The following NEDD4 variants were observed in gnomAD, a reference collection of about 807,000 sequenced individuals.
NEDD4 encodes NEDD4 E3 ubiquitin protein ligase.
NEDD4 carries 99 observed loss-of-function variants against 144.9 expected under a neutral mutation model. That is an observed-to-expected ratio of 0.68 (90% CI 0.58 to 0.81). The LOEUF (loss-of-function observed/expected upper bound fraction) is 0.81, where lower values mean the gene tolerates loss of function less well. Among genes scored for constraint, NEDD4 ranks in the 30% least tolerant of loss-of-function variants. The probability of loss-of-function intolerance (pLI) is 0.00; values close to 1 mark genes in which losing one functional copy is unlikely to be tolerated. For missense variants in NEDD4, 985 were observed against 1,065.9 expected, an observed-to-expected ratio of 0.92 and a Z score of 1.06; for synonymous variants, 318 against 350.6, an observed-to-expected ratio of 0.91 and a Z score of 1.04.
chr15:55,859,605 G>C (rs2034324993), intron 11 of NEDD4, among the ~76,000 whole-genome samples: 1 of 152,206 alleles, frequency 6.6e-6, no homozygotes, highest in African/African-American at 2.4e-5. Context: ...GCTGAGGCAT[G>C]AGAATCGCCT....
chr15:55,852,724 T>TATATATATATATA (rs1566910889), intron 12 of NEDD4, among the ~76,000 whole-genome samples, 181 bp from the exon 13 acceptor site: 9 of 128,718 alleles, frequency 7.0e-5, no homozygotes, highest in African/African-American at 2.3e-4. Context: ...TATATATATA[T>TATATATATATATA]TTACCTTTTC....
At chr15:55,973,027 A>G (rs1197558354) in intron 1 of NEDD4, among the ~76,000 whole-genome samples, 1 of 152,248 alleles carries the variant, frequency 6.6e-6, no homozygotes, top group African/African-American at 2.4e-5. Context: ...ACTTCAATAT[A>G]GTAATAGTTG....
chr15:55,941,149 T>A (rs540985628), intron 4 of NEDD4, among the ~76,000 whole-genome samples: 1 of 152,258 alleles, frequency 6.6e-6, no homozygotes, highest in South Asian at 2.1e-4. Flanking sequence ...CCAGCTGTTG[T>A]ATATCAATTT....
intron 4 of NEDD4, among the ~76,000 whole-genome samples, chr15:55,940,703 T>G (rs1250122856): frequency 1.3e-5 from 2 of 150,450 alleles, no homozygotes; most frequent in Non-Finnish European, 3.0e-5. Context: ...AAGAGGGTCG[T>G]TTTTTTTTGG....
chr15:55,835,268 A>G (rs1433853246), intron 24 of NEDD4, among the ~76,000 whole-genome samples: 4 of 152,194 alleles, frequency 2.6e-5, no homozygotes, highest in Admixed American at 1.3e-4. Context: ...TTGCAGCTAT[A>G]TCTAATAAAC....
chr15:55,889,182 T>C (rs953710987), intron 5 of NEDD4, among the ~76,000 whole-genome samples: 4 of 151,910 alleles, frequency 2.6e-5, no homozygotes, highest in Non-Finnish European at 4.4e-5. Context: ...TGGAAGAAAA[T>C]AGAACGACCA....
At chr15:55,904,646 G>A (rs2036027514) in intron 5 of NEDD4, among the ~76,000 whole-genome samples, 1 of 152,154 alleles carries the variant, frequency 6.6e-6, no homozygotes, top group African/African-American at 2.4e-5. Context: ...CTTCTTCTGA[G>A]TGACAGGTAT....
At chr15:55,981,041 CTT>C (rs752631416) in intron 1 of NEDD4, among the ~76,000 whole-genome samples, 5 of 141,972 alleles carry the variant, frequency 3.5e-5, no homozygotes, top group African/African-American at 2.6e-5. Context: ...ATATTTTTTC[CTT>C]TTTTTTTTTT....
chr15:55,918,543 CTAAG>C (rs1296982382), intron 5 of NEDD4, among the ~76,000 whole-genome samples: 9 of 150,660 alleles, frequency 6.0e-5, no homozygotes, highest in South Asian at 2.1e-4. Context: ...GTTTTTTTTC[CTAAG>C]TAAAAGCAAA....
intron 4 of NEDD4, among the ~76,000 whole-genome samples, chr15:55,941,809 G>C (rs1009741250): frequency 7.2e-5 from 11 of 152,102 alleles, no homozygotes; most frequent in Admixed American, 2.6e-4. Context: ...CTGACCTCAA[G>C]TGATATGCCT....
intron 5 of NEDD4, among the ~76,000 whole-genome samples, chr15:55,895,022 C>T (rs1360614465): frequency 1.3e-5 from 2 of 152,062 alleles, no homozygotes; most frequent in East Asian, 3.9e-4. Context: ...AGGGGCTCAT[C>T]CCATTGTTTC....
In NEDD4 at chr15:55,942,063, A is replaced by ATT. The variant is rs34216809; in HGVS notation, c.237+9311_237+9312dup. On this transcript the variant is annotated intron_variant, in intron 4 of 28. Coordinates refer to ENST00000435532, the MANE Select transcript of NEDD4 (RefSeq NM_006154.4). Reference sequence around the variant, plus strand: ...TGTTCAAATCATCTATATATTTACTATTTTTTTTTTGTCTAGTTGTTGTAT... The same window carrying ATT: ...TGTTCAAATCATCTATATATTTACTATTTTTTTTTTTTGTCTAGTTGTTGTAT... Among the ~76,000 whole-genome samples, 65 of 150,224 alleles carry ATT rather than the reference A, an allele frequency of 4.3e-4. 1 individual carries two copies. Among genetic ancestry groups the ATT allele is most frequent in the South Asian group, 3.1e-3 (15 of 4,766 alleles).
At position 55,936,364 on chromosome 15, in the gene NEDD4, C is replaced by T. The variant is rs115910013; in HGVS notation, c.238-11665G>A. ...GAGAAATAGGTATAGAAAAAAATCA[C>T]GCCAAATTTGTGTGCGTATGTAGGT... On this transcript the variant is annotated intron_variant, in intron 4 of 28. Coordinates refer to ENST00000435532, the MANE Select transcript of NEDD4 (RefSeq NM_006154.4). Among the ~76,000 whole-genome samples the T allele has an allele frequency of 5.7e-3, 867 of 151,908 alleles. 9 individuals carry two copies. Among genetic ancestry groups the T allele is most frequent in the African/African-American group, 0.02 (811 of 41,396 alleles).
chr15:55,906,855 G>A (rs149974613), intron 5 of NEDD4, among the ~76,000 whole-genome samples: 3,006 of 152,192 alleles, frequency 0.02, 104 homozygotes, highest in African/African-American at 0.069. Flanking sequence ...CAATGCTTTG[G>A]GAGGCTGAGG....
intron 1 of NEDD4, among the ~76,000 whole-genome samples, chr15:55,986,193 G>A: frequency 6.6e-6 from 1 of 152,094 alleles, no homozygotes; most frequent in Non-Finnish European, 1.5e-5. Context: ...TAACAGAGAT[G>A]GAAATAAAAC....
At chr15:55,941,657 C>T (rs1595863390) in intron 4 of NEDD4, among the ~76,000 whole-genome samples, 1 of 152,098 alleles carries the variant, frequency 6.6e-6, no homozygotes, top group African/African-American at 2.4e-5. Context: ...CTCCGCCTCC[C>T]AGGTTCAAGC....
chr15:55,913,306 A>G (rs1390117858), intron 5 of NEDD4, among the ~76,000 whole-genome samples: 1 of 152,100 alleles, frequency 6.6e-6, no homozygotes, highest in Non-Finnish European at 1.5e-5. Flanking sequence ...GAGTTACAAT[A>G]TACCACTATA....
At chr15:55,907,727 C>G (rs1477495123) in intron 5 of NEDD4, among the ~76,000 whole-genome samples, 1 of 152,212 alleles carries the variant, frequency 6.6e-6, no homozygotes, top group Non-Finnish European at 1.5e-5. Flanking sequence ...AGAATCCCAG[C>G]TCTTACAATA....
intron 1 of NEDD4, among the ~76,000 whole-genome samples, chr15:55,971,272 G>T (rs1413493268): frequency 2.0e-5 from 3 of 152,036 alleles, no homozygotes; most frequent in African/African-American, 7.2e-5. Flanking sequence ...AATAAAAAAA[G>T]AATAAAAGTA....
Sources: gnomAD v4.1 joint callset for allele counts (sites outside exome capture counted in the v4.1 genomes callset) on GRCh38, gnomAD v4.1.1 for gene constraint, MANE v1.5 for transcripts, NCBI Gene and HGNC (gene_info 2026-07-23, HGNC 2026-07-21) for gene names.